AOPEP: variants seen among roughly 807,000 people sequenced by gnomAD.
AOPEP encodes the protein aminopeptidase O (putative).
In AOPEP, 77 loss-of-function variants were observed where a neutral mutation model predicts 98.1. The observed-to-expected ratio is 0.78, with a 90% CI of 0.65 to 0.95. AOPEP has a LOEUF of 0.95. AOPEP is among the 40% of genes least tolerant of loss of function. AOPEP has a pLI of 0.00. For synonymous variants in AOPEP, 346 were observed against 365.3 expected, an observed-to-expected ratio of 0.95 and a Z score of 0.60; for missense variants, 1,024 against 1,024.7, an observed-to-expected ratio of 1.00 and a Z score of 0.01.
At chr9:95,002,926 G>A (rs1284881315) in intron 11 of AOPEP, among the ~76,000 whole-genome samples, 2 of 152,180 alleles carry the variant, frequency 1.3e-5, no homozygotes, top group African/African-American at 4.8e-5. Context: ...AATTAGGATG[G>A]GTCACAGCTT....
rs989590876 is a variant in AOPEP, at chr9:94,932,272, A to G, written c.1661+3741A>G. 23 of 985,236 alleles carry G rather than the reference A, an allele frequency of 2.3e-5. No homozygotes were observed. The African/African-American group carries it at 4.0e-4, about 17-fold the overall frequency. 61.0% of individuals were successfully genotyped at this position (985,236 alleles called of 1,614,324 possible). ...CATGAAGTATGTGTCTTATTATTTT[A>G]AAAGACATTGAGAAAAAGGAACATT... On this transcript the variant is annotated intron_variant, in intron 7 of 16. Coordinates refer to ENST00000375315, the MANE Select transcript of AOPEP (RefSeq NM_001193329.3).
At chr9:94,853,409 G>C (rs1048761420) in intron 5 of AOPEP, among the ~76,000 whole-genome samples, 1 of 151,970 alleles carries the variant, frequency 6.6e-6, no homozygotes, top group African/African-American at 2.4e-5. Flanking sequence ...GCAGTGAGTT[G>C]AGATTGCGCC....
At chr9:94,903,105 C>T (rs569553230) in intron 5 of AOPEP, among the ~76,000 whole-genome samples, 1 of 151,584 alleles carries the variant, frequency 6.6e-6, no homozygotes, top group South Asian at 2.1e-4. Context: ...CTCAGCCTCC[C>T]GAGTAGCTGG....
At chr9:94,887,199 T>A (rs2048341647) in intron 5 of AOPEP, among the ~76,000 whole-genome samples, 1 of 151,458 alleles carries the variant, frequency 6.6e-6, no homozygotes, top group Admixed American at 6.6e-5. Flanking sequence ...TAAAAAAAAA[T>A]TAGTCAAGTA....
At chr9:94,775,304 A>T (rs890487963) in intron 3 of AOPEP, among the ~76,000 whole-genome samples, 7 of 151,862 alleles carry the variant, frequency 4.6e-5, no homozygotes, top group African/African-American at 1.5e-4. Context: ...TGAATTTTTA[A>T]ATTTTGTGAT....
At chr9:95,017,742 T>G (rs1306991047) in intron 13 of AOPEP, among the ~76,000 whole-genome samples, 1 of 152,236 alleles carries the variant, frequency 6.6e-6, no homozygotes, top group Non-Finnish European at 1.5e-5. Flanking sequence ...GATACGACAG[T>G]CCAGTTTTAG....
chr9:94,870,540 TG>T (rs1198016946), intron 5 of AOPEP, among the ~76,000 whole-genome samples: 1 of 152,130 alleles, frequency 6.6e-6, no homozygotes, highest in East Asian at 1.9e-4. Flanking sequence ...GATTTGGTGA[TG>T]GGAAGGCTGG....
At chr9:94,918,958 T>A (rs1348040922) in intron 5 of AOPEP, among the ~76,000 whole-genome samples, 1 of 151,996 alleles carries the variant, frequency 6.6e-6, no homozygotes, top group Non-Finnish European at 1.5e-5. Context: ...CACTGTTGCC[T>A]GGGCTGGAGT....
chr9:94,872,532 A>G (rs149698179), intron 5 of AOPEP, among the ~76,000 whole-genome samples: 16 of 152,320 alleles, frequency 1.1e-4, no homozygotes, highest in South Asian at 2.1e-4. Context: ...CAAAAGTTCT[A>G]TGTTCCATCA....
chr9:94,760,490 C>T lies in AOPEP; in HGVS notation c.707C>T (p.Thr236Ile). Residue 236 changes from threonine to isoleucine, a missense_variant, in exon 2 of 17, where the codon ACA becomes ATA. This residue lies in a region of AOPEP where 440 missense variants were observed against 433.8 expected (regional missense o/e 1.01). Transcript: ENST00000375315. ...CAGATAAGGAAGACAGGGGCTCAGA[C>T]AGCTACTGACTTTCCTCATGCTATC... Reference protein sequence around the residue: ...SLQIRKTGAQTATDFPHAIRI... With the variant: ...SLQIRKTGAQIATDFPHAIRI... The T allele has an allele frequency of 6.2e-7, 1 of 1,610,912 alleles. No individual in the cohort carries two copies. Among genetic ancestry groups the T allele is most frequent in the South Asian group, 1.1e-5 (1 of 90,522 alleles).
the AOPEP span, among the ~76,000 whole-genome samples, chr9:95,149,464 G>A: frequency 6.6e-6 from 1 of 151,864 alleles, no homozygotes; most frequent in Non-Finnish European, 1.5e-5. Context: ...AAAATAAAAT[G>A]TTTTGGGATC....
At chr9:94,888,922 T>C (rs1248643421) in intron 5 of AOPEP, among the ~76,000 whole-genome samples, 1 of 152,172 alleles carries the variant, frequency 6.6e-6, no homozygotes, top group African/African-American at 2.4e-5. Context: ...CACCACCACA[T>C]GTAACCACCA....
rs56401778 is a variant in AOPEP at position 94,778,753 on chromosome 9, C to A, written c.964+5585C>A. The stretch of plus-strand genomic sequence containing the variant: ...TAAGATGTACACATTTATGGCCAGG[C>A]GTGGTGGCTCACACCTGTAATCCCA... On this transcript the variant is annotated intron_variant, in intron 3 of 16. Transcript: ENST00000375315. Among the ~76,000 whole-genome samples the A allele has an allele frequency of 6.6e-3, 1,007 of 152,208 alleles. 8 individuals are homozygous for A. The highest frequency in any genetic ancestry group is 0.023 in the African/African-American group (970 of 41,516).
chr9:95,149,548 G>A, the AOPEP span, among the ~76,000 whole-genome samples: 54 of 151,098 alleles, frequency 3.6e-4, 1 homozygote, highest in Non-Finnish European at 2.1e-4. Context: ...GCACAATCTC[G>A]GCTCACTGCA....
chr9:94,958,775 G>A (rs2058631209), intron 9 of AOPEP, among the ~76,000 whole-genome samples: 1 of 152,092 alleles, frequency 6.6e-6, no homozygotes, highest in Admixed American at 6.5e-5. Flanking sequence ...TTGGATATAA[G>A]TCCCTTATCA....
the AOPEP span, among the ~76,000 whole-genome samples, chr9:95,147,391 C>T: frequency 6.6e-6 from 1 of 152,150 alleles, no homozygotes; most frequent in South Asian, 2.1e-4. Context: ...TGGTGCATGC[C>T]TGTAATCCCA....
chr9:95,033,495 G>A (rs953102453), intron 13 of AOPEP, among the ~76,000 whole-genome samples: 6 of 152,056 alleles, frequency 3.9e-5, no homozygotes, highest in Admixed American at 1.3e-4. Context: ...TCCATCAGTC[G>A]GTGTGATTCT....
At chr9:95,126,557 T>C in the AOPEP span, 6 of 1,614,040 alleles carry the variant, frequency 3.7e-6, no homozygotes, top group East Asian at 2.2e-5. Flanking sequence ...ACCCGGAATA[T>C]GGCAGGGTGG....
At chr9:94,830,997 A>T (rs1855847885) in intron 5 of AOPEP, among the ~76,000 whole-genome samples, 1 of 152,018 alleles carries the variant, frequency 6.6e-6, no homozygotes, top group Non-Finnish European at 1.5e-5. Flanking sequence ...CCCATTCTTT[A>T]CGTTGTGTGT....
Sources: allele counts gnomAD v4.1 joint callset (sites outside exome capture counted in the v4.1 genomes callset), GRCh38; gene constraint gnomAD v4.1.1; regional missense constraint gnomAD v4.1.1; transcripts MANE v1.5; gene names NCBI Gene and HGNC (gene_info 2026-07-23, HGNC 2026-07-21).